MAP4K1: variants seen among roughly 807,000 people sequenced by gnomAD.
The protein encoded by MAP4K1 is MAPK/ERK kinase kinase kinase 1.
A neutral mutation model predicts 122.8 loss-of-function variants in MAP4K1; 35 were observed. The observed-to-expected ratio is 0.29, with a 90% confidence interval of 0.22 to 0.38. The LOEUF (loss-of-function observed/expected upper bound fraction) is 0.38, where lower values mean the gene tolerates loss of function less well. Ranked by LOEUF, MAP4K1 falls within the 10% of genes least tolerant of loss-of-function variation. MAP4K1 has a pLI of 1.00. For missense variants in MAP4K1, 791 were observed against 1,072.6 expected (o/e 0.74, Z 3.67); for synonymous variants, 412 against 421.3 (o/e 0.98, Z 0.27).
At chr19:38,610,923 A>C (rs1975478310) in intron 11 of MAP4K1, 128 bp downstream of exon 11, 1 of 802,812 alleles carries the variant, frequency 1.2e-6, no homozygotes, top group East Asian at 2.7e-5. Flanking sequence ...GGTCCTGGGA[A>C]ATTCTGAGGC....
intron 11 of MAP4K1, 143 bp from the exon 12 acceptor site, chr19:38,610,168 C>T (rs73552634): frequency 0.067 from 40,919 of 609,736 alleles, 3,243 homozygotes; most frequent in East Asian, 0.25. Context: ...AGGCAGAGGG[C>T]GGGGAAATCC....
intron 25 of MAP4K1, among the ~76,000 whole-genome samples, 160 bp downstream of exon 25, chr19:38,596,874 G>A (rs959191218): frequency 6.6e-6 from 1 of 152,176 alleles, no homozygotes; most frequent in Admixed American, 6.5e-5. Flanking sequence ...TCAGAAGGAC[G>A]AGGCTCCAAG....
chr19:38,617,549 C>T lies in MAP4K1; in HGVS notation c.157+19G>A, dbSNP rs377417360. ...CGAAGGTGGGGATGTGGGGAAGGAG[C>T]TCCATGTTCCCTCCTCACCAGGCTC... On this transcript the variant is annotated intron_variant, in intron 2 of 30. Coordinates refer to ENST00000396857, the MANE Select transcript of MAP4K1 (RefSeq NM_001042600.3). This position sits in a 1 kb window ranked among gnomAD's most constrained non-coding sequence, Gnocchi z 4.1. The T allele has an allele frequency of 5.9e-5, 95 of 1,613,802 alleles. No homozygotes were observed. The highest frequency in any genetic ancestry group is 8.0e-5 in the Non-Finnish European group (94 of 1,179,860).
At chr19:38,616,612 C>G (rs929938084) in intron 3 of MAP4K1, among the ~76,000 whole-genome samples, 44 of 152,160 alleles carry the variant, frequency 2.9e-4, no homozygotes, top group Admixed American at 1.4e-3. Context: ...TTCTGGGGAG[C>G]AGAGGTCATT....
Position 38,595,553 on chromosome 19 carries a change from TA to T in MAP4K1, c.2271del (p.Met758TrpfsTer19). On this transcript the variant is annotated frameshift_variant and splice_region_variant, in exon 29 of 31. Coordinates refer to ENST00000396857, the MANE Select transcript of MAP4K1 (RefSeq NM_001042600.3). LOFTEE classifies it high-confidence loss of function. ...AAGGCCTGAAGCTGACCTCCAACCA[TA>T]GCTGGGGAGAAAGCAATGCCCGTTA... ...IPMTEAVEAV[A>X]MVGGQLQAFW... The T allele has an allele frequency of 6.2e-7, 1 of 1,613,968 alleles. No homozygotes were observed. Among genetic ancestry groups the T allele is most frequent in the Non-Finnish European group, 8.5e-7 (1 of 1,179,962 alleles).
chr19:38,614,298 G>A lies in MAP4K1; in HGVS notation c.370-6C>T. The A allele has an allele frequency of 6.2e-7, 1 of 1,614,202 alleles. No individual in the cohort carries two copies. The highest frequency in any genetic ancestry group is 8.5e-7 in the Non-Finnish European group (1 of 1,180,020). Reference sequence around the variant, plus strand: ...GAGTGCAAATAGGCCAGTCCCTGGGGAGAAGGGTGGACAAGGGGACAGTGA... The same window carrying A: ...GAGTGCAAATAGGCCAGTCCCTGGGAAGAAGGGTGGACAAGGGGACAGTGA... On this transcript the variant is annotated splice_polypyrimidine_tract_variant and splice_region_variant and intron_variant, in intron 5 of 30. Transcript: ENST00000396857.
chr19:38,600,224 C>T (rs1975020284), intron 20 of MAP4K1, 71 bp from the exon 21 acceptor site: 5 of 1,230,976 alleles, frequency 4.1e-6, no homozygotes, highest in Non-Finnish European at 6.0e-6. Flanking sequence ...ACCTGTCTGA[C>T]CTCAAACACT....
chr19:38,612,997 G>A (rs1340427915), intron 8 of MAP4K1, among the ~76,000 whole-genome samples: 2 of 152,116 alleles, frequency 1.3e-5, no homozygotes, highest in Non-Finnish European at 2.9e-5. Context: ...TTTGAGACCA[G>A]CCTGGGCAAC....
intron 30 of MAP4K1, among the ~76,000 whole-genome samples, chr19:38,589,734 C>T (rs962973806): frequency 3.9e-5 from 6 of 151,992 alleles, no homozygotes; most frequent in Admixed American, 3.3e-4. Flanking sequence ...CTTCTTATTA[C>T]AAAGAAAAAC....
intron 30 of MAP4K1, among the ~76,000 whole-genome samples, chr19:38,590,998 C>T (rs976464897): frequency 6.7e-6 from 1 of 148,926 alleles, no homozygotes; most frequent in African/African-American, 2.5e-5. Flanking sequence ...CACACACACA[C>T]ACATATACTT....
intron 30 of MAP4K1, among the ~76,000 whole-genome samples, chr19:38,588,836 T>C (rs1391468207): frequency 1.3e-5 from 2 of 148,976 alleles, no homozygotes; most frequent in Admixed American, 6.7e-5. Context: ...GGAGGATCGA[T>C]TGAACCTGGG....
rs1975325319 is a variant in MAP4K1, at chr19:38,606,223, AC to A, written c.1158-9del. Reference sequence around the variant, plus strand: ...TCCTCTGCAGGGGTGGGGCTGAAACACAAAGATGGGTTAAATAGCTGGGGGG... The same window carrying A: ...TCCTCTGCAGGGGTGGGGCTGAAACAAAAGATGGGTTAAATAGCTGGGGGG... On this transcript the variant is annotated splice_polypyrimidine_tract_variant and intron_variant, in intron 16 of 30. Transcript: ENST00000396857. 6.5e-7 allele frequency: 1 copy of A among 1,531,402 alleles called. No homozygotes were observed. The highest frequency in any genetic ancestry group is 2.3e-5 in the East Asian group (1 of 43,198). The allele number at this position is 1,531,402 out of a possible 1,614,324, so 94.9% of individuals were successfully genotyped here. A position where few individuals can be genotyped will look rare whatever the true frequency, so the allele number is the denominator to read the frequency against.
chr19:38,606,128 G>C, intron 17 of MAP4K1, 45 bp downstream of exon 17: 3 of 1,507,134 alleles, frequency 2.0e-6, no homozygotes, highest in Non-Finnish European at 2.7e-6. Flanking sequence ...CTGGCCCCCA[G>C]TGGCCCTGAG....
intron 19 of MAP4K1, 164 bp from the exon 20 acceptor site, chr19:38,601,689 C>T (rs1482469767): frequency 7.0e-6 from 4 of 568,864 alleles, no homozygotes; most frequent in African/African-American, 4.0e-5. Context: ...CTTTTTCATA[C>T]ATTGAGTTTT....
In MAP4K1 at chr19:38,588,751, C is replaced by CAA. The variant is rs1207148126; in HGVS notation, c.2397-936_2397-935dup. 8.7e-4 allele frequency among the ~76,000 whole-genome samples: 86 copies of CAA among 98,308 alleles called. 1 individual carries two copies. The highest frequency in any genetic ancestry group is 2.9e-3 in the African/African-American group (75 of 26,164). The allele number at this position is 98,308 out of a possible 152,430, so 64.5% of individuals were successfully genotyped here. ...TGGGCGACAGAGCGAGCCTCTGTCT[C>CAA]AAAAAAAAAAAAAAAAATTTATCCA... On this transcript the variant is annotated intron_variant, in intron 30 of 30. Coordinates refer to ENST00000396857, the MANE Select transcript of MAP4K1 (RefSeq NM_001042600.3).
At chr19:38,588,614 G>A (rs1974602434) in intron 30 of MAP4K1, among the ~76,000 whole-genome samples, 1 of 133,146 alleles carries the variant, frequency 7.5e-6, no homozygotes, top group Non-Finnish European at 1.6e-5. Context: ...TTAGCCAGGT[G>A]TGGTGGCAGG....
rs536572574 is a variant in MAP4K1 at position 38,601,346 on chromosome 19, C to T, written c.1531+95G>A. On this transcript the variant is annotated intron_variant, in intron 20 of 30. Coordinates refer to ENST00000396857, the MANE Select transcript of MAP4K1 (RefSeq NM_001042600.3). ...ACCCCAACTCCATTAAGCTCCTCCC[C>T]GTCCCTGCCTTTGTGCCTTCCTTAG... 9.9e-4 allele frequency: 1,123 copies of T among 1,138,486 alleles called. 1 individual carries two copies. Among genetic ancestry groups the T allele is most frequent in the Non-Finnish European group, 1.1e-3 (880 of 780,814 alleles). 70.5% of individuals were successfully genotyped at this position (1,138,486 alleles called of 1,614,324 possible). A position where few individuals can be genotyped will look rare whatever the true frequency, so the allele number is the denominator to read the frequency against.
rs893489240 is a variant in MAP4K1 at position 38,605,143 on chromosome 19, G to A, written c.1446+266C>T. On this transcript the variant is annotated intron_variant, in intron 19 of 30. Coordinates refer to ENST00000396857, the MANE Select transcript of MAP4K1 (RefSeq NM_001042600.3). ...TCCTGCCTCAGCCTGCCTCCTCAAA[G>A]GTATTTATATGACCTTGGGTAAGCC... is the stretch of plus-strand genomic sequence containing the variant. Among the ~76,000 whole-genome samples the A allele has an allele frequency of 5.0e-4, 76 of 150,738 alleles. 1 individual carries two copies. The highest frequency in any genetic ancestry group is 3.3e-4 in the Admixed American group (5 of 15,154).
intron 4 of MAP4K1, 52 bp from the exon 5 acceptor site, chr19:38,614,497 TG>T (rs1975590344): frequency 6.2e-7 from 1 of 1,607,220 alleles, no homozygotes; most frequent in Non-Finnish European, 8.5e-7. Context: ...CCAGGGAACC[TG>T]GGCTGGGGAG....
Sources: gnomAD v4.1 joint callset for allele counts (sites outside exome capture counted in the v4.1 genomes callset) on GRCh38, gnomAD v4.1.1 for gene constraint, Gnocchi (gnomAD v3.1) non-coding constraint, MANE v1.5 for transcripts, NCBI Gene and HGNC (gene_info 2026-07-23, HGNC 2026-07-21) for gene names.